Variants in GRK7 observed in about 807,000 individuals in gnomAD.
The protein encoded by GRK7 is rhodopsin kinase GRK7.
Under a neutral mutation model 34.1 loss-of-function variants are expected in GRK7, and 24 were observed. That is an observed-to-expected ratio of 0.70 (90% CI 0.51 to 0.99). The LOEUF (loss-of-function observed/expected upper bound fraction) is 0.99, where lower values mean the gene tolerates loss of function less well. GRK7 is among the 50% of genes least tolerant of loss of function. The pLI is 0.00. For synonymous variants in GRK7, 256 were observed against 279.4 expected (o/e 0.92, Z 0.84); for missense variants, 644 against 707.3 (o/e 0.91, Z 1.02).
chr3:141,756,709 A>G, the GRK7 span, among the ~76,000 whole-genome samples: 1 of 152,370 alleles, frequency 6.6e-6, no homozygotes, highest in Admixed American at 6.5e-5. Context: ...ATTGAAGACC[A>G]TAACCAACAC....
chr3:141,803,151 G>A (rs573609234), intron 4 of GRK7, among the ~76,000 whole-genome samples: 1 of 152,062 alleles, frequency 6.6e-6, no homozygotes, highest in South Asian at 2.1e-4. Flanking sequence ...TACTGGCTGG[G>A]CGCAGTGGCT....
rs901630152 is a variant in GRK7 at position 141,800,399 on chromosome 3, A to C, written c.1051-7246A>C. On this transcript the variant is annotated intron_variant, in intron 4 of 5. Coordinates refer to ENST00000682958, the MANE Select transcript of GRK7 (RefSeq NM_139209.3). ...CATTTGTAAAAAAAAAAAAAAAAAA[A>C]AAAAAACTCTTCAAAATGAAAGACA... Among the ~76,000 whole-genome samples, 8 of 151,758 alleles carry C rather than the reference A, an allele frequency of 5.3e-5. No individual in the cohort carries two copies. The East Asian group carries it at 1.5e-3, about 29-fold the overall frequency.
chr3:141,773,168 T>C (rs1577911219), intron 1 of GRK7, among the ~76,000 whole-genome samples: 3 of 150,604 alleles, frequency 2.0e-5, no homozygotes, highest in Admixed American at 2.0e-4. Flanking sequence ...AAAAATAAAA[T>C]AAAAATAAAG....
At chr3:141,815,221 G>C (rs900618229) in intron 5 of GRK7, among the ~76,000 whole-genome samples, 1 of 132,436 alleles carries the variant, frequency 7.6e-6, no homozygotes, top group African/African-American at 3.0e-5. Flanking sequence ...CACCATGTCT[G>C]GTTGGTTTTT....
At chr3:141,759,342 T>C (rs2084545043), upstream of GRK7, among the ~76,000 whole-genome samples, 2 of 122,882 alleles carry the variant, frequency 1.6e-5, no homozygotes, top group Middle Eastern at 3.8e-3. Context: ...CAATACCTAA[T>C]TTATTGAGAG....
chr3:141,789,321 G>A (rs957734653), intron 4 of GRK7, among the ~76,000 whole-genome samples: 2 of 152,148 alleles, frequency 1.3e-5, no homozygotes, highest in African/African-American at 4.8e-5. Context: ...TCCCAGCTTC[G>A]CTCTTCTCTG....
intron 4 of GRK7, among the ~76,000 whole-genome samples, chr3:141,790,860 G>C (rs576202618): frequency 6.6e-6 from 1 of 152,098 alleles, no homozygotes; most frequent in Non-Finnish European, 1.5e-5. Context: ...CACCGCGCCC[G>C]GTCAACATGC....
At chr3:141,768,581 T>G (rs2084601119) in intron 1 of GRK7, among the ~76,000 whole-genome samples, 1 of 152,102 alleles carries the variant, frequency 6.6e-6, no homozygotes, top group African/African-American at 2.4e-5. Context: ...CCCCTGGTCC[T>G]TGTTAGCTTT....
At chr3:141,804,845 A>G (rs1194590171) in intron 4 of GRK7, among the ~76,000 whole-genome samples, 1 of 151,848 alleles carries the variant, frequency 6.6e-6, no homozygotes, top group African/African-American at 2.4e-5. Flanking sequence ...ACATGCACAC[A>G]TACACATACA....
At chr3:141,794,174 A>G (rs1177835851) in intron 4 of GRK7, among the ~76,000 whole-genome samples, 1 of 152,198 alleles carries the variant, frequency 6.6e-6, no homozygotes, top group African/African-American at 2.4e-5. Flanking sequence ...GGCTCCAAGT[A>G]CGGCTCTATT....
At chr3:141,776,461 A>G (rs1319530758) in intron 2 of GRK7, among the ~76,000 whole-genome samples, 1 of 152,170 alleles carries the variant, frequency 6.6e-6, no homozygotes, top group African/African-American at 2.4e-5. Context: ...TCACTACTGA[A>G]CAATGTGGAC....
chr3:141,802,988 TGAAAGAATTTCA>T (rs1157829918), intron 4 of GRK7, among the ~76,000 whole-genome samples: 11 of 152,138 alleles, frequency 7.2e-5, no homozygotes, highest in South Asian at 2.1e-4. Context: ...AGAGCAAAGT[TGAAAGAATTTCA>T]GAAAGAATTT....
At chr3:141,806,574 T>C (rs1023871963) in intron 4 of GRK7, among the ~76,000 whole-genome samples, 4 of 151,782 alleles carry the variant, frequency 2.6e-5, no homozygotes, top group South Asian at 2.1e-4. Flanking sequence ...AAAATATATA[T>C]ATATATATAC....
chr3:141,762,805 C>T (rs1302926276), upstream of GRK7, among the ~76,000 whole-genome samples: 1 of 152,332 alleles, frequency 6.6e-6, no homozygotes, highest in East Asian at 1.9e-4. Flanking sequence ...ACCCTCCGAG[C>T]CAGGTGAGGG....
rs546421420 is a variant in GRK7, at chr3:141,773,577, T to C, written c.-214-1003T>C. Reference sequence around the variant, plus strand: ...CCCAGGCTGGAGTGCAGTGGCACTATCTCGGCTCACTGCAAGCTCCACCTC... The same window carrying C: ...CCCAGGCTGGAGTGCAGTGGCACTACCTCGGCTCACTGCAAGCTCCACCTC... On this transcript the variant is annotated intron_variant, in intron 1 of 5. Coordinates refer to ENST00000682958, the MANE Select transcript of GRK7 (RefSeq NM_139209.3). 8.5e-5 allele frequency among the ~76,000 whole-genome samples: 13 copies of C among 152,306 alleles called. No individual in the cohort carries two copies. In the South Asian group the frequency reaches 2.1e-3, roughly 24 times the overall value.
chr3:141,782,782 G>T (rs1032964718), intron 4 of GRK7, among the ~76,000 whole-genome samples: 1 of 150,306 alleles, frequency 6.7e-6, no homozygotes, highest in Admixed American at 6.7e-5. Flanking sequence ...TCTAGCCTGG[G>T]CTACAAAGCG....
At chr3:141,803,474 A>G (rs1710992046) in intron 4 of GRK7, among the ~76,000 whole-genome samples, 1 of 152,052 alleles carries the variant, frequency 6.6e-6, no homozygotes, top group African/African-American at 2.4e-5. Context: ...AAACATTACC[A>G]CAATCAATTT....
Position 141,799,606 on chromosome 3 carries a change from G to A in GRK7, c.1051-8039G>A, listed in dbSNP as rs111576784. Among the ~76,000 whole-genome samples the A allele has an allele frequency of 5.1e-3, 768 of 149,936 alleles. 2 individuals carry two copies. Among genetic ancestry groups the A allele is most frequent in the African/African-American group, 0.018 (721 of 40,230 alleles). Reference sequence around the variant, plus strand: ...CAGTCTGGGTGATAGAGTGAGGCTCGGTCTAAAAAAAAAAAACAAGGTGCA... The same window carrying A: ...CAGTCTGGGTGATAGAGTGAGGCTCAGTCTAAAAAAAAAAAACAAGGTGCA... On this transcript the variant is annotated intron_variant, in intron 4 of 5. Coordinates refer to ENST00000682958, the MANE Select transcript of GRK7 (RefSeq NM_139209.3).
At chr3:141,794,178 C>T (rs1231360604) in intron 4 of GRK7, among the ~76,000 whole-genome samples, 1 of 152,182 alleles carries the variant, frequency 6.6e-6, no homozygotes, top group Non-Finnish European at 1.5e-5. Context: ...CCAAGTACGG[C>T]TCTATTGGCT....
Sources: gnomAD v4.1 joint callset for allele counts (sites outside exome capture counted in the v4.1 genomes callset) on GRCh38, gnomAD v4.1.1 for gene constraint, MANE v1.5 for transcripts, NCBI Gene and HGNC (gene_info 2026-07-23, HGNC 2026-07-21) for gene names.